PTPRC: variants seen among roughly 807,000 people sequenced by gnomAD.
PTPRC encodes the protein receptor-type tyrosine-protein phosphatase C.
A neutral mutation model predicts 155.9 loss-of-function variants in PTPRC; 44 were observed. That is an observed-to-expected ratio of 0.28 (90% confidence interval 0.22 to 0.36). The LOEUF is 0.36. Among genes scored for constraint, PTPRC ranks in the 10% least tolerant of loss-of-function variants. PTPRC has a pLI of 1.00. For missense variants in PTPRC, 1,401 were observed against 1,564.6 expected (o/e 0.90, Z 1.76); for synonymous variants, 525 against 533.1 (o/e 0.98, Z 0.21).
At chr1:198,707,073 C>G in intron 9 of PTPRC, 121 bp downstream of exon 9, 1 of 795,530 alleles carries the variant, frequency 1.3e-6, no homozygotes. Context: ...AAAGGAAATT[C>G]CTTGGAAACA....
At chr1:198,737,996 A>ATGTT (rs1654726526) in intron 23 of PTPRC, among the ~76,000 whole-genome samples, 1 of 151,758 alleles carries the variant, frequency 6.6e-6, no homozygotes, top group East Asian at 1.9e-4. Flanking sequence ...GCTTGTTTTA[A>ATGTT]TGTTGATTTT....
chr1:198,712,122 G>T (rs12073017), intron 11 of PTPRC, among the ~76,000 whole-genome samples: 1,996 of 152,152 alleles, frequency 0.013, 50 homozygotes, highest in African/African-American at 0.045. Flanking sequence ...GGTAAAATGT[G>T]GTGTATCTTT....
chr1:198,755,060 C>T (rs942265111), intron 32 of PTPRC, among the ~76,000 whole-genome samples: 7 of 152,014 alleles, frequency 4.6e-5, no homozygotes, highest in Admixed American at 4.6e-4. Flanking sequence ...CACTTGAGGC[C>T]CAGGCTTAAA....
Position 198,639,317 on chromosome 1 carries a change from C to T in PTPRC, c.49C>T (p.Leu17=), listed in dbSNP as rs758522951. 1.2e-6 allele frequency: 2 copies of T among 1,612,980 alleles called. No individual in the cohort carries two copies. The highest frequency in any genetic ancestry group is 2.2e-5 in the East Asian group (1 of 44,818). The part of the protein sequence containing the change: ...LKLLAFGFAF[L]DTEVFVTGQS... ...ACTCTTGGCATTTGGCTTTGCCTTT[C>T]TGGACACAGAAGTATTTGTGACAGG... The change falls in exon 2 of 33, where the codon CTG becomes TTG. Residue 17 remains leucine (L), a synonymous_variant. Coordinates refer to ENST00000442510, the MANE Select transcript of PTPRC (RefSeq NM_002838.5).
At chr1:198,735,542 C>T (rs1237852551) in intron 23 of PTPRC, among the ~76,000 whole-genome samples, 5 of 149,436 alleles carry the variant, frequency 3.3e-5, no homozygotes, top group African/African-American at 9.9e-5. Flanking sequence ...AAAATATAAT[C>T]AAATTATTAA....
intron 2 of PTPRC, among the ~76,000 whole-genome samples, chr1:198,668,834 A>G (rs1166937515): frequency 6.6e-6 from 1 of 152,196 alleles, no homozygotes; most frequent in African/African-American, 2.4e-5. Flanking sequence ...AGGTGAATAG[A>G]TATGTATCGA....
intron 2 of PTPRC, among the ~76,000 whole-genome samples, chr1:198,689,082 T>TA (rs1665786960): frequency 6.6e-6 from 1 of 152,194 alleles, no homozygotes; most frequent in African/African-American, 2.4e-5. Context: ...AATTATTCTT[T>TA]AAAAAAGTAA....
intron 7 of PTPRC, among the ~76,000 whole-genome samples, 174 bp from the exon 8 acceptor site, chr1:198,704,298 A>G (rs1217403476): frequency 6.6e-6 from 1 of 152,200 alleles, no homozygotes; most frequent in Non-Finnish European, 1.5e-5. Context: ...TTCCTTTATA[A>G]TGCTTTAAGT....
At chr1:198,728,299 T>G in intron 15 of PTPRC, 41 bp from the exon 16 acceptor site, 1 of 1,526,934 alleles carries the variant, frequency 6.5e-7, no homozygotes, top group Non-Finnish European at 9.1e-7. Context: ...TAGCAAGTTA[T>G]TTGACAATCG....
chr1:198,671,310 A>G (rs1664633516), intron 2 of PTPRC, among the ~76,000 whole-genome samples: 1 of 151,422 alleles, frequency 6.6e-6, no homozygotes, highest in Non-Finnish European at 1.5e-5. Flanking sequence ...ATTATACTTC[A>G]CCTCTCAGAG....
At chr1:198,668,295 C>T (rs1480419600) in intron 2 of PTPRC, among the ~76,000 whole-genome samples, 1 of 152,124 alleles carries the variant, frequency 6.6e-6, no homozygotes, top group African/African-American at 2.4e-5. Context: ...ATTCTCCTGC[C>T]TCAGCCTCCT....
chr1:198,752,607 G>C lies in PTPRC; in HGVS notation c.3344G>C (p.Arg1115Pro). The C allele has an allele frequency of 6.2e-7, 1 of 1,612,260 alleles. No homozygotes were observed. The highest frequency in any genetic ancestry group is 8.5e-7 in the Non-Finnish European group (1 of 1,178,958). Residue 1115 changes from arginine (R) to proline (P), a missense_variant, in exon 31 of 33, where the codon CGA becomes CCA. Transcript: ENST00000442510. ...TTCTGATTTTAGAGGAAAGACTCTC[G>C]AACTGTGTACCAGTACCAATATACA... ...ELRHSKRKDS[R>P]TVYQYQYTNW...
chr1:198,651,292 TTG>T (rs67899145), intron 2 of PTPRC, among the ~76,000 whole-genome samples: 33,586 of 147,756 alleles, frequency 0.23, 4,734 homozygotes, highest in Middle Eastern at 0.34. Context: ...CAGATTGGGA[TTG>T]TGTGTGTGTG....
intron 2 of PTPRC, among the ~76,000 whole-genome samples, chr1:198,688,065 A>G (rs538961198): frequency 1.7e-4 from 26 of 151,882 alleles, no homozygotes; most frequent in Admixed American, 3.9e-4. Context: ...TAAAAAGATA[A>G]AATGGTGTGT....
At chr1:198,731,583 T>G (rs776130443) in intron 17 of PTPRC, 34 bp from the exon 18 acceptor site, 1 of 1,481,588 alleles carries the variant, frequency 6.7e-7, no homozygotes, top group East Asian at 2.3e-5. Context: ...GAAAGACACA[T>G]GTAACTAGTA....
At chr1:198,693,847 G>A (rs949651832) in intron 3 of PTPRC, among the ~76,000 whole-genome samples, 2 of 152,164 alleles carry the variant, frequency 1.3e-5, no homozygotes, top group African/African-American at 4.8e-5. Flanking sequence ...CTACCCCTGG[G>A]ACTGAATTTG....
intron 10 of PTPRC, 140 bp downstream of exon 10, chr1:198,708,401 T>G: frequency 2.5e-6 from 2 of 809,888 alleles, no homozygotes; most frequent in South Asian, 4.0e-5. Context: ...TTCTTTCTTG[T>G]CTTTTTCTTG....
At chr1:198,694,582 A>G (rs1285694834) in intron 3 of PTPRC, 5 of 986,894 alleles carry the variant, frequency 5.1e-6, no homozygotes, top group African/African-American at 3.5e-5. Context: ...ATTTCTCTCA[A>G]AGCAAAAGGG....
At chr1:198,645,024 T>C (rs1025407069) in intron 2 of PTPRC, among the ~76,000 whole-genome samples, 1 of 151,746 alleles carries the variant, frequency 6.6e-6, no homozygotes, top group Non-Finnish European at 1.5e-5. Context: ...AAGAATATAA[T>C]CAAAATTTGC....
Sources: allele counts gnomAD v4.1 joint callset (sites outside exome capture counted in the v4.1 genomes callset), GRCh38; gene constraint gnomAD v4.1.1; transcripts MANE v1.5; gene names NCBI Gene and HGNC (gene_info 2026-07-23, HGNC 2026-07-21).